RTN1: variants seen among roughly 807,000 people sequenced by gnomAD.
RTN1 encodes the protein reticulon-1.
In RTN1, 25 loss-of-function variants were observed where a neutral mutation model predicts 65.5. The ratio of observed to expected loss-of-function variants is 0.38; its 90% CI spans 0.28 to 0.53. The LOEUF (loss-of-function observed/expected upper bound fraction) is 0.53. RTN1 is among the 20% of genes least tolerant of loss of function. The pLI is 0.79. For synonymous variants in RTN1, 471 were observed against 447.6 expected, an observed-to-expected ratio of 1.05 and a Z score of -0.66; for missense variants, 983 against 1,025.4, an observed-to-expected ratio of 0.96 and a Z score of 0.57.
chr14:59,663,997 A>T (rs1323753370), intron 3 of RTN1, among the ~76,000 whole-genome samples: 1 of 152,112 alleles, frequency 6.6e-6, no homozygotes, highest in African/African-American at 2.4e-5. Flanking sequence ...AAATCATTCT[A>T]CTCTAAACAC....
intron 1 of RTN1, among the ~76,000 whole-genome samples, chr14:59,819,855 C>T (rs530300390): frequency 4.6e-5 from 7 of 152,254 alleles, no homozygotes; most frequent in African/African-American, 1.4e-4. Context: ...GCCAGCCAGC[C>T]GCTCCGAGTG....
intron 1 of RTN1, among the ~76,000 whole-genome samples, chr14:59,797,819 G>GTT (rs953120995): frequency 2.0e-5 from 3 of 152,150 alleles, no homozygotes; most frequent in Non-Finnish European, 4.4e-5. Context: ...GAGGAATAGT[G>GTT]TTTATAGTGT....
intron 1 of RTN1, among the ~76,000 whole-genome samples, chr14:59,809,053 ATTT>A (rs961090926): frequency 3.9e-5 from 6 of 152,120 alleles, no homozygotes; most frequent in African/African-American, 1.4e-4. Context: ...GTTTCCAAGG[ATTT>A]TCTAAAAACA....
rs760206427 is a variant in RTN1, at chr14:59,746,136, T to C, written c.587A>G (p.Tyr196Cys). The change falls in exon 2 of 9, where the codon TAC (tyrosine) becomes TGC (cysteine). Residue 196 changes from tyrosine (Y) to cysteine (C), a missense_variant. Around this residue, in one of 2 missense-constraint regions of RTN1, gnomAD observed 818 missense variants for 801.8 expected, o/e 1.02. Transcript: ENST00000267484. The part of the protein sequence containing the change: ...LDQMKAEAYK[Y>C]IDITRPEEVK... ...CTCCTCGGGTCTGGTTATGTCAATG[T>C]ATTTATAGGCCTCTGCTTTCATCTG... is the stretch of plus-strand genomic sequence containing the variant. 6.2e-7 allele frequency: 1 copy of C among 1,609,732 alleles called. No homozygotes were observed. The highest frequency in any genetic ancestry group is 1.3e-5 in the African/African-American group (1 of 74,638).
In RTN1 at chr14:59,718,034, C is replaced by A. The variant is rs887513098; in HGVS notation, c.1765+8885G>T. On this transcript the variant is annotated intron_variant, in intron 3 of 8. Coordinates refer to ENST00000267484, the MANE Select transcript of RTN1 (RefSeq NM_021136.3). ...ACTGCTTCCGATATAAATGGTCTAC[C>A]AACTACCCTTTGAGAAACACTATCT... is the stretch of plus-strand genomic sequence containing the variant. 7.9e-5 allele frequency among the ~76,000 whole-genome samples: 12 copies of A among 152,298 alleles called. No homozygotes were observed. The South Asian group carries it at 2.3e-3, about 29-fold the overall frequency.
intron 3 of RTN1, among the ~76,000 whole-genome samples, chr14:59,680,025 T>C (rs1883712978): frequency 6.6e-6 from 1 of 152,190 alleles, no homozygotes. Flanking sequence ...GAAATTTCAC[T>C]GCAACTACTG....
Position 59,603,080 on chromosome 14 carries a change from T to C in RTN1, c.2273A>G (p.Asn758Ser). The change falls in exon 8 of 9, where the codon AAT becomes AGT. Residue 758 changes from asparagine to serine, a missense_variant. Transcript: ENST00000267484. ...QYLGLVRTHI[N>S]AVVAKIQAKI... Reference sequence around the variant, plus strand: ...TGTGACTTACTTTGCCACAACAGCATTTATGTGAGTCCTCACAAGTCCCAG... The same window carrying C: ...TGTGACTTACTTTGCCACAACAGCACTTATGTGAGTCCTCACAAGTCCCAG... 1 of 1,613,596 alleles carries C rather than the reference T, an allele frequency of 6.2e-7. No individual in the cohort carries two copies. The highest frequency in any genetic ancestry group is 8.5e-7 in the Non-Finnish European group (1 of 1,179,764).
chr14:59,747,765 T>C (rs1197061317), intron 1 of RTN1, among the ~76,000 whole-genome samples: 3 of 152,128 alleles, frequency 2.0e-5, no homozygotes, highest in South Asian at 2.1e-4. Context: ...ATTTTTACAA[T>C]TGTACAAATT....
intron 1 of RTN1, among the ~76,000 whole-genome samples, chr14:59,785,778 GCCTCACTCCACACC>G (rs567178291): frequency 5.9e-5 from 9 of 152,260 alleles, no homozygotes; most frequent in South Asian, 4.1e-4. Context: ...GAATGAGCTT[GCCTCACTCCACACC>G]CCTGCCCTTT....
chr14:59,822,879 G>GT (rs56360537), intron 1 of RTN1, among the ~76,000 whole-genome samples: 2,189 of 142,816 alleles, frequency 0.015, 38 homozygotes, highest in African/African-American at 0.042. Context: ...TATAATTTGG[G>GT]TTTTTTTTTT....
chr14:59,729,379 T>G (rs1415759927), intron 2 of RTN1, among the ~76,000 whole-genome samples: 1 of 125,640 alleles, frequency 8.0e-6, no homozygotes, highest in Non-Finnish European at 1.7e-5. Context: ...GATCTATGGG[T>G]TCCCCCCCTT....
chr14:59,858,091 C>T (rs1044170034), intron 1 of RTN1, among the ~76,000 whole-genome samples: 7 of 152,214 alleles, frequency 4.6e-5, no homozygotes, highest in African/African-American at 1.4e-4. Context: ...TTCATCTTTG[C>T]TTTGTGGGAG....
At chr14:59,607,683 T>C in intron 3 of RTN1, 191 bp from the exon 4 acceptor site, 2 of 605,666 alleles carry the variant, frequency 3.3e-6, no homozygotes, top group Non-Finnish European at 5.9e-6. Context: ...GAAGAATCTT[T>C]TCCACCCTTG....
intron 1 of RTN1, among the ~76,000 whole-genome samples, chr14:59,865,314 A>G (rs1393855063): frequency 6.6e-6 from 1 of 152,148 alleles, no homozygotes; most frequent in Admixed American, 6.5e-5. Context: ...TTCTCCAAAG[A>G]TACTGGGAAT....
At chr14:59,686,249 C>T (rs1340165943) in intron 3 of RTN1, among the ~76,000 whole-genome samples, 1 of 152,178 alleles carries the variant, frequency 6.6e-6, no homozygotes, top group Non-Finnish European at 1.5e-5. Flanking sequence ...CTCTGTGACA[C>T]TGGCCTGGGC....
intron 3 of RTN1, among the ~76,000 whole-genome samples, chr14:59,631,866 G>T (rs1364782223): frequency 6.6e-6 from 1 of 152,104 alleles, no homozygotes; most frequent in Non-Finnish European, 1.5e-5. Context: ...TCATCTTGTG[G>T]CATGGCCTTA....
intron 3 of RTN1, among the ~76,000 whole-genome samples, chr14:59,715,497 T>G (rs943773989): frequency 6.6e-6 from 1 of 152,176 alleles, no homozygotes. Flanking sequence ...AATTTCAGGA[T>G]TCTGTTTTCA....
chr14:59,724,278 T>C (rs1273915918), intron 3 of RTN1, among the ~76,000 whole-genome samples: 1 of 152,220 alleles, frequency 6.6e-6, no homozygotes, highest in Non-Finnish European at 1.5e-5. Context: ...TTAGAGCACG[T>C]GCACCAGTTA....
intron 1 of RTN1, among the ~76,000 whole-genome samples, chr14:59,834,331 C>T (rs553522375): frequency 3.3e-5 from 5 of 152,160 alleles, no homozygotes; most frequent in African/African-American, 1.2e-4. Flanking sequence ...ACACCAAAAG[C>T]ACATTCCATA....
Sources: allele counts gnomAD v4.1 joint callset (sites outside exome capture counted in the v4.1 genomes callset), GRCh38; gene constraint gnomAD v4.1.1; regional missense constraint gnomAD v4.1.1; transcripts MANE v1.5; gene names NCBI Gene and HGNC (gene_info 2026-07-23, HGNC 2026-07-21).